DLL1: variants seen among roughly 807,000 people sequenced by gnomAD.
DLL1 encodes delta like canonical Notch ligand 1.
Under a neutral mutation model 75.1 loss-of-function variants are expected in DLL1, and 9 were observed. That is an observed-to-expected ratio of 0.12 (90% CI 0.07 to 0.21). DLL1 has a LOEUF of 0.21. DLL1 is among the 10% of genes least tolerant of loss of function. The pLI is 1.00. For synonymous variants in DLL1, 477 were observed against 418.3 expected (o/e 1.14, Z -1.71); for missense variants, 837 against 1,007.6 (o/e 0.83, Z 2.29).
In DLL1 at chr6:170,288,360, G is replaced by A; in HGVS notation, c.549C>T (p.Tyr183=). Residue 183 remains tyrosine, a synonymous_variant, in exon 4 of 11, where the codon TAC becomes TAT. Coordinates refer to ENST00000366756, the MANE Select transcript of DLL1 (RefSeq NM_005618.4). ...YSYRFVCDEH[Y]YGEGCSVFCR... ...AGAAAACGGAGCAGCCCTCTCCGTA[G>A]TAGTGTTCGTCACACACGAAGCGGT... 1.2e-6 allele frequency: 2 copies of A among 1,614,122 alleles called. No individual in the cohort carries two copies. Among genetic ancestry groups the A allele is most frequent in the Non-Finnish European group, 1.7e-6 (2 of 1,180,048 alleles).
chr6:170,290,264 A>G lies in DLL1; in HGVS notation c.-125T>C, dbSNP rs1371343352. 8.2e-6 allele frequency: 9 copies of G among 1,099,534 alleles called. No individual in the cohort carries two copies. In the African/African-American group the frequency reaches 1.3e-4, roughly 16 times the overall value. 68.1% of individuals were successfully genotyped at this position (1,099,534 alleles called of 1,614,324 possible). On this transcript the variant is annotated 5_prime_UTR_variant, in exon 1 of 11. Coordinates refer to ENST00000366756, the MANE Select transcript of DLL1 (RefSeq NM_005618.4). The surrounding 1 kb of genome is among the most constrained non-coding windows in gnomAD (Gnocchi z 4.7). Reference sequence around the variant, plus strand: ...GAAAAGCGCCCTTGCCTCGCCCCAGACCGCAGGACCCAGGACTTCTTTCTT... The same window carrying G: ...GAAAAGCGCCCTTGCCTCGCCCCAGGCCGCAGGACCCAGGACTTCTTTCTT...
chr6:170,289,327 C>G, intron 2 of DLL1, 185 bp downstream of exon 2: 1 of 1,015,192 alleles, frequency 9.9e-7, no homozygotes, highest in East Asian at 2.8e-5. Context: ...CGCGGGGCCC[C>G]GGGGCGAGGT....
intron 4 of DLL1, 51 bp from the exon 5 acceptor site, chr6:170,286,349 C>T (rs773269711): frequency 6.2e-7 from 1 of 1,608,950 alleles, no homozygotes; most frequent in African/African-American, 1.3e-5. Context: ...TACGTCCCAA[C>T]AGGGCTGCCG....
At position 170,290,040 on chromosome 6, in the gene DLL1, C is replaced by A. The variant is rs771138740; in HGVS notation, c.54+46G>T. 1 of 1,546,304 alleles carries A rather than the reference C, an allele frequency of 6.5e-7. No individual in the cohort carries two copies. The highest frequency in any genetic ancestry group is 2.5e-5 in the East Asian group (1 of 39,338). The stretch of plus-strand genomic sequence containing the variant: ...GCGCTCCTGCCCCGCGCCCCGGCTA[C>A]CCGTGAGACCCCGCGGGGCCGCGGC... On this transcript the variant is annotated intron_variant, in intron 1 of 10. Transcript: ENST00000366756. This position sits in a 1 kb window ranked among gnomAD's most constrained non-coding sequence, Gnocchi z 4.7.
rs1245195589 is a variant in DLL1, at chr6:170,282,559, C to A, written c.*315G>T. On this transcript the variant is annotated 3_prime_UTR_variant, in exon 11 of 11. Transcript: ENST00000366756. Reference sequence around the variant, plus strand: ...CAAGAAAAGACTGGCTCATAAGAATCCAAAATATACACTCAGGCAGTGCAT... The same window carrying A: ...CAAGAAAAGACTGGCTCATAAGAATACAAAATATACACTCAGGCAGTGCAT... The A allele has an allele frequency of 3.8e-6, 2 of 530,262 alleles. No individual in the cohort carries two copies. The highest frequency in any genetic ancestry group is 6.7e-6 in the Non-Finnish European group (2 of 298,468). 32.8% of individuals were successfully genotyped at this position (530,262 alleles called of 1,614,324 possible).
rs1020126482 is a variant in DLL1, at chr6:170,290,015, G to T, written c.54+71C>A. 1 of 1,402,260 alleles carries T rather than the reference G, an allele frequency of 7.1e-7. No individual in the cohort carries two copies. Among genetic ancestry groups the T allele is most frequent in the Non-Finnish European group, 9.2e-7 (1 of 1,087,630 alleles). 86.9% of individuals were successfully genotyped at this position (1,402,260 alleles called of 1,614,324 possible). ...CGTGCCGCTGTCCGCCCCTCCCCGC[G>T]CGCTCCTGCCCCGCGCCCCGGCTAC... On this transcript the variant is annotated intron_variant, in intron 1 of 10. Coordinates refer to ENST00000366756, the MANE Select transcript of DLL1 (RefSeq NM_005618.4). This position sits in a 1 kb window ranked among gnomAD's most constrained non-coding sequence, Gnocchi z 4.7.
intron 9 of DLL1, 43 bp from the exon 10 acceptor site, chr6:170,283,148 C>T (rs1194986937): frequency 6.2e-6 from 10 of 1,613,786 alleles, no homozygotes; most frequent in East Asian, 2.2e-5. Context: ...TGCATGAGAA[C>T]ATTTGGGAAG....
At position 170,285,398 on chromosome 6, in the gene DLL1, C is replaced by T. The variant is rs748779849; in HGVS notation, c.888G>A (p.Lys296=). The change falls in exon 7 of 11, where the codon AAG becomes AAA. Residue 296 remains lysine (K), a synonymous_variant. Transcript: ENST00000366756. The part of the protein sequence containing the change: ...NQDLNYCTHH[K]PCKNGATCTN... ...TGCAGGTGGCTCCATTCTTGCAGGGCTTATGGTGTGTGCAGTAGTTCAGGT... is the reference window on the plus strand; with the variant it reads ...TGCAGGTGGCTCCATTCTTGCAGGGTTTATGGTGTGTGCAGTAGTTCAGGT... The T allele has an allele frequency of 6.2e-6, 10 of 1,614,052 alleles. No homozygotes were observed. In the African/African-American group the frequency reaches 1.3e-4, roughly 22 times the overall value.
chr6:170,284,137 A>T, intron 8 of DLL1, 108 bp from the exon 9 acceptor site: 1 of 1,435,944 alleles, frequency 7.0e-7, no homozygotes, highest in Non-Finnish European at 9.5e-7. Flanking sequence ...GACAAACCAA[A>T]GACAGTCTGT....
intron 2 of DLL1, 70 bp downstream of exon 2, chr6:170,289,442 G>A (rs1366786896): frequency 6.6e-7 from 1 of 1,519,688 alleles, no homozygotes; most frequent in Non-Finnish European, 8.8e-7. Context: ...CGCCCAAGGC[G>A]GGATCCCAGC....
chr6:170,290,812 A>C lies in DLL1; in HGVS notation c.-673T>G. On this transcript the variant is annotated 5_prime_UTR_variant, in exon 1 of 11. Coordinates refer to ENST00000366756, the MANE Select transcript of DLL1 (RefSeq NM_005618.4). The surrounding 1 kb of genome is among the most constrained non-coding windows in gnomAD (Gnocchi z 4.7). ...ATCCAGCCAATGCCATCCAGTACAC[A>C]CGCGCAGGACCGGAGGGGCCGGGCC... 1 of 602,442 alleles carries C rather than the reference A, an allele frequency of 1.7e-6. No individual in the cohort carries two copies. Among genetic ancestry groups the C allele is most frequent in the African/African-American group, 1.9e-5 (1 of 53,822 alleles). 37.3% of individuals were successfully genotyped at this position (602,442 alleles called of 1,614,324 possible). A position where few individuals can be genotyped will look rare whatever the true frequency, so the allele number is the denominator to read the frequency against.
Position 170,283,823 on chromosome 6 carries a change from C to T in DLL1, c.1456G>A (p.Glu486Lys), listed in dbSNP as rs747584257. The change falls in exon 9 of 11, where the codon GAG (glutamate) becomes AAG (lysine). Residue 486 changes from glutamate (E) to lysine (K), a missense_variant. Glu to Lys is a moderately conservative substitution (Grantham distance 56, BLOSUM62 1). Transcript: ENST00000366756. The part of the protein sequence containing the change: ...RNCSAPVSRC[E>K]HAPCHNGATC... The stretch of plus-strand genomic sequence containing the variant: ...GCCCCATTGTGGCAGGGTGCGTGCT[C>T]GCACCTGCTGACGGGGGCACTGCAG... The T allele has an allele frequency of 3.1e-5, 50 of 1,595,640 alleles. No homozygotes were observed. The highest frequency in any genetic ancestry group is 4.5e-5 in the South Asian group (4 of 89,286).
chr6:170,285,255 G>A lies in DLL1; in HGVS notation c.1031C>T (p.Thr344Met), dbSNP rs780043142. Residue 344 changes from threonine (T) to methionine (M), a missense_variant and splice_region_variant, in exon 7 of 11, where the codon ACG (threonine) becomes ATG (methionine). Physicochemically the swap from Thr to Met is moderately conservative, Grantham distance 81 (BLOSUM62 -1). This residue lies in a region of DLL1 where 533 missense variants were observed against 545.7 expected (regional missense o/e 0.98). Coordinates refer to ENST00000366756, the MANE Select transcript of DLL1 (RefSeq NM_005618.4). ...PSPCKNGGSCTDLENSYSCTC... is the reference protein window; with the variant it reads ...PSPCKNGGSCMDLENSYSCTC... The stretch of plus-strand genomic sequence containing the variant: ...GATGCCATGGAGCCTCCGACTCACC[G>A]TGCAGCTCCCTCCGTTCTTACAAGG... The A allele has an allele frequency of 2.3e-5, 37 of 1,614,014 alleles. No homozygotes were observed. Among genetic ancestry groups the A allele is most frequent in the African/African-American group, 6.7e-5 (5 of 74,910 alleles).
At chr6:170,284,343 G>A (rs1783647559) in intron 8 of DLL1, among the ~76,000 whole-genome samples, 1 of 152,146 alleles carries the variant, frequency 6.6e-6, no homozygotes, top group East Asian at 1.9e-4. Flanking sequence ...TTTCAGATGG[G>A]GAAACTGAGG....
chr6:170,286,527 C>G (rs990562485), intron 4 of DLL1, among the ~76,000 whole-genome samples: 1 of 152,134 alleles, frequency 6.6e-6, no homozygotes, highest in African/African-American at 2.4e-5. Context: ...AAAGGGCTCT[C>G]GGAAGCCCCC....
In DLL1 at chr6:170,283,836, G is replaced by A. The variant is rs372345994; in HGVS notation, c.1443C>T (p.Pro481=). The change falls in exon 9 of 11, where the codon CCC becomes CCT. Residue 481 remains proline, a synonymous_variant. Transcript: ENST00000366756. ...AGGGTGCGTGCTCGCACCTGCTGACGGGGGCACTGCAGTTCCTGCCCGTGT... is the reference window on the plus strand; with the variant it reads ...AGGGTGCGTGCTCGCACCTGCTGACAGGGGCACTGCAGTTCCTGCCCGTGT... ...PGYTGRNCSA[P]VSRCEHAPCH... 1.3e-4 allele frequency: 212 copies of A among 1,602,912 alleles called. 2 individuals carry two copies. In the East Asian group the frequency reaches 1.5e-3, roughly 11 times the overall value.
At chr6:170,285,226 G>T in intron 7 of DLL1, 28 bp downstream of exon 7, 1 of 1,614,114 alleles carries the variant, frequency 6.2e-7, no homozygotes, top group Non-Finnish European at 8.5e-7. Flanking sequence ...CAGCTTCCGG[G>T]TGAGATGCCA....
At position 170,283,344 on chromosome 6, in the gene DLL1, C is replaced by T. The variant is rs766676132; in HGVS notation, c.1935G>A (p.Gln645=). ...CGGCGGTGTCGTCACCCTTGAGGTC[C>T]TGCACGAGGTTATAGTCCACCGCTG... ...RYPAVDYNLV[Q]DLKGDDTAVR... The change falls in exon 9 of 11, where the codon CAG becomes CAA. Residue 645 remains glutamine (Q), a synonymous_variant. Coordinates refer to ENST00000366756, the MANE Select transcript of DLL1 (RefSeq NM_005618.4). 5.0e-6 allele frequency: 8 copies of T among 1,612,834 alleles called. No individual in the cohort carries two copies. Among genetic ancestry groups the T allele is most frequent in the Non-Finnish European group, 5.9e-6 (7 of 1,180,032 alleles).
In DLL1 at chr6:170,286,107, C is replaced by T. The variant is rs979227262; in HGVS notation, c.731+131G>A. ...TTGATTAAGTAGAAACATGAGAAAA[C>T]GGCCCCCTGTTCAATCAATCTTACT... On this transcript the variant is annotated intron_variant, in intron 5 of 10. Transcript: ENST00000366756. The T allele has an allele frequency of 2.2e-5, 24 of 1,105,208 alleles. No homozygotes were observed. The Middle Eastern group carries it at 5.8e-4, about 27-fold the overall frequency. 68.5% of individuals were successfully genotyped at this position (1,105,208 alleles called of 1,614,324 possible).
Sources: gnomAD v4.1 joint callset for allele counts (sites outside exome capture counted in the v4.1 genomes callset) on GRCh38, gnomAD v4.1.1 for gene constraint, gnomAD v4.1.1 regional missense constraint, Gnocchi (gnomAD v3.1) non-coding constraint, MANE v1.5 for transcripts, NCBI Gene and HGNC (gene_info 2026-07-23, HGNC 2026-07-21) for gene names.